PCDH15: variants seen among roughly 807,000 people sequenced by gnomAD.
PCDH15 encodes protocadherin related 15.
PCDH15 carries 129 observed loss-of-function variants against 178.5 expected under a neutral mutation model. That is an observed-to-expected ratio of 0.72 (90% confidence interval 0.63 to 0.84). The LOEUF (loss-of-function observed/expected upper bound fraction) is 0.84. Ranked by LOEUF, PCDH15 falls within the 40% of genes least tolerant of loss-of-function variation. The pLI, the probability that PCDH15 is intolerant of heterozygous loss-of-function variation, is 0.00. For missense variants in PCDH15, 2,230 were observed against 2,099.9 expected, an observed-to-expected ratio of 1.06 and a Z score of -1.21; for synonymous variants, 800 against 732.0, an observed-to-expected ratio of 1.09 and a Z score of -1.50.
At chr10:54,602,315 T>C (rs1283908559) in intron 2 of PCDH15, among the ~76,000 whole-genome samples, 1 of 151,980 alleles carries the variant, frequency 6.6e-6, no homozygotes, top group East Asian at 1.9e-4. Flanking sequence ...TTTTAGCCTC[T>C]ACAAATGCCA....
chr10:53,812,281 C>T (rs71490981), intron 35 of PCDH15, among the ~76,000 whole-genome samples: 6,118 of 152,244 alleles, frequency 0.04, 169 homozygotes, highest in East Asian at 0.1. Flanking sequence ...GATCTTGGCT[C>T]ACTACAGGCT....
chr10:54,115,982 G>C (rs997526494), intron 15 of PCDH15, among the ~76,000 whole-genome samples: 67 of 152,094 alleles, frequency 4.4e-4, no homozygotes, highest in Admixed American at 7.2e-4. Context: ...AATGGAAATA[G>C]GAAAAGAAGA....
intron 17 of PCDH15, among the ~76,000 whole-genome samples, chr10:54,077,832 G>A (rs1001555447): frequency 6.6e-6 from 1 of 152,198 alleles, no homozygotes; most frequent in Non-Finnish European, 1.5e-5. Context: ...GGAGGCCAAG[G>A]AGGGTGGATC....
intron 2 of PCDH15, among the ~76,000 whole-genome samples, chr10:54,643,625 A>G (rs1168574658): frequency 1.3e-5 from 2 of 152,122 alleles, no homozygotes; most frequent in Non-Finnish European, 2.9e-5. Flanking sequence ...TTTTTAAAAA[A>G]TACATACTTT....
intron 1 of PCDH15, among the ~76,000 whole-genome samples, chr10:54,796,033 C>T (rs1309296012): frequency 6.6e-6 from 1 of 151,806 alleles, no homozygotes; most frequent in African/African-American, 2.4e-5. Context: ...TTGATCCTTG[C>T]TGGTAAGGGA....
intron 3 of PCDH15, among the ~76,000 whole-genome samples, chr10:54,847,821 T>A (rs1378276998): frequency 6.6e-6 from 1 of 152,194 alleles, no homozygotes; most frequent in Non-Finnish European, 1.5e-5. Context: ...CCATTACAAA[T>A]GAGAATACTG....
chr10:54,227,287 C>CCAAACCT (rs1309662569), intron 9 of PCDH15, among the ~76,000 whole-genome samples: 1 of 152,192 alleles, frequency 6.6e-6, no homozygotes, highest in Non-Finnish European at 1.5e-5. Context: ...GTGGAGCTTC[C>CCAAACCT]CAAACCTCAA....
intron 21 of PCDH15, among the ~76,000 whole-genome samples, chr10:53,985,491 G>A (rs1356626806): frequency 6.6e-6 from 1 of 152,066 alleles, no homozygotes; most frequent in Non-Finnish European, 1.5e-5. Flanking sequence ...GAGAGAGGAT[G>A]GGGTGGCAGG....
intron 2 of PCDH15, among the ~76,000 whole-genome samples, chr10:55,382,254 G>A (rs1481911744): frequency 6.6e-6 from 1 of 151,964 alleles, no homozygotes; most frequent in Non-Finnish European, 1.5e-5. Flanking sequence ...CCCCTAAAGA[G>A]GCTTATATCC....
At chr10:54,760,146 G>A (rs1947684330) in intron 1 of PCDH15, among the ~76,000 whole-genome samples, 1 of 152,152 alleles carries the variant, frequency 6.6e-6, no homozygotes, top group Non-Finnish European at 1.5e-5. Flanking sequence ...CTTATAAAAT[G>A]TTGACAACCT....
chr10:53,980,000 C>T (rs2660196), intron 21 of PCDH15, among the ~76,000 whole-genome samples: 3,258 of 152,230 alleles, frequency 0.021, 105 homozygotes, highest in African/African-American at 0.074. Flanking sequence ...GTGTGGATCA[C>T]CTGAGGTCAA....
At position 55,577,950 on chromosome 10, in the gene PCDH15, G is replaced by GGA. The variant is rs765283838; in HGVS notation, c.-156+49673_-156+49674dup. On this transcript the variant is annotated intron_variant, in intron 2 of 5. Transcript: ENST00000613346. Reference sequence around the variant, plus strand: ...TTTTAATTAAGAAAGGTTAAAGTTAGGAGAGAGAGAGAGAGAGCAACTGTT... The same window carrying GGA: ...TTTTAATTAAGAAAGGTTAAAGTTAGGAGAGAGAGAGAGAGAGAGCAACTGTT... Among the ~76,000 whole-genome samples the GGA allele has an allele frequency of 1.7e-3, 254 of 150,794 alleles. 2 individuals carry two copies. The highest frequency in any genetic ancestry group is 4.0e-3 in the South Asian group (19 of 4,760).
At chr10:54,344,904 C>CAAAAAAAAAAAAAAAA (rs57295345) in intron 6 of PCDH15, among the ~76,000 whole-genome samples, 3 of 78,886 alleles carry the variant, frequency 3.8e-5, no homozygotes, top group African/African-American at 4.9e-5. Context: ...AGAAACAAAG[C>CAAAAAAAAAAAAAAAA]AAAAAAAAAA....
At chr10:54,395,846 T>A (rs1260641010) in intron 3 of PCDH15, among the ~76,000 whole-genome samples, 1 of 152,152 alleles carries the variant, frequency 6.6e-6, no homozygotes, top group Non-Finnish European at 1.5e-5. Flanking sequence ...CATTTTAGAG[T>A]ATAAATGTTC....
intron 3 of PCDH15, among the ~76,000 whole-genome samples, chr10:54,460,040 C>T (rs2077074581): frequency 6.6e-6 from 1 of 151,938 alleles, no homozygotes; most frequent in Non-Finnish European, 1.5e-5. Flanking sequence ...TGTTCTTTTC[C>T]ACAGATGATT....
intron 1 of PCDH15, among the ~76,000 whole-genome samples, chr10:54,690,558 C>A (rs1346176593): frequency 6.6e-6 from 1 of 151,962 alleles, no homozygotes; most frequent in East Asian, 1.9e-4. Context: ...TGTGATCCAC[C>A]CACCTCAACT....
intron 15 of PCDH15, among the ~76,000 whole-genome samples, chr10:54,098,913 G>C (rs905402624): frequency 4.6e-5 from 7 of 151,996 alleles, no homozygotes; most frequent in Non-Finnish European, 1.0e-4. Flanking sequence ...TACAGCTCTT[G>C]TCCAGATTTA....
chr10:54,821,492 G>A (rs984518374), intron 3 of PCDH15, among the ~76,000 whole-genome samples: 7 of 151,858 alleles, frequency 4.6e-5, no homozygotes, highest in African/African-American at 7.2e-5. Context: ...GACAAGCTAC[G>A]TTTTTAAAAG....
intron 2 of PCDH15, among the ~76,000 whole-genome samples, chr10:55,082,689 T>G (rs1842073932): frequency 6.6e-6 from 1 of 150,560 alleles, no homozygotes; most frequent in African/African-American, 2.4e-5. Context: ...GAGAGAAGAC[T>G]CAAATAAATA....
Sources: allele counts gnomAD v4.1 joint callset (sites outside exome capture counted in the v4.1 genomes callset), GRCh38; gene constraint gnomAD v4.1.1; transcripts MANE v1.5; gene names NCBI Gene and HGNC (gene_info 2026-07-23, HGNC 2026-07-21).